Variants in TBC1D19 observed in about 807,000 individuals in gnomAD.
TBC1D19 encodes TBC1 domain family member 19, also known as TBC1 domain family, member 19.
In TBC1D19, 60 loss-of-function variants were observed where a neutral mutation model predicts 89.0. That is an observed-to-expected ratio of 0.67 (90% CI 0.55 to 0.84). TBC1D19 has a LOEUF of 0.84. Among genes scored for constraint, TBC1D19 ranks in the 40% least tolerant of loss-of-function variants. The probability of loss-of-function intolerance (pLI) is 0.00; values close to 1 mark genes in which losing one functional copy is unlikely to be tolerated. For synonymous variants in TBC1D19, 189 were observed against 199.7 expected (o/e 0.95, Z 0.45); for missense variants, 500 against 610.8 (o/e 0.82, Z 1.91).
At chr4:26,777,939 G>A in the TBC1D19 span, among the ~76,000 whole-genome samples, 390 of 152,156 alleles carry the variant, frequency 2.6e-3, 2 homozygotes, top group Non-Finnish European at 3.5e-3. Context: ...AGGGCGTGGC[G>A]GTACATGCCA....
the TBC1D19 span, among the ~76,000 whole-genome samples, chr4:26,835,852 G>C: frequency 6.6e-6 from 1 of 152,106 alleles, no homozygotes. Context: ...CCAGGCTTGT[G>C]TTCTGTGATG....
At chr4:26,723,294 TAGC>T (rs1335487191) in intron 15 of TBC1D19, among the ~76,000 whole-genome samples, 2 of 152,032 alleles carry the variant, frequency 1.3e-5, no homozygotes, top group Non-Finnish European at 2.9e-5. Context: ...AGGCAATACT[TAGC>T]AGCATTTTTA....
chr4:26,666,919 G>T (rs1711862939), intron 9 of TBC1D19, among the ~76,000 whole-genome samples: 1 of 151,678 alleles, frequency 6.6e-6, no homozygotes, highest in Non-Finnish European at 1.5e-5. Flanking sequence ...CTTGAAGTAT[G>T]GGAGCCCCGT....
chr4:26,705,968 G>A (rs1051219653), intron 13 of TBC1D19, among the ~76,000 whole-genome samples: 33 of 152,054 alleles, frequency 2.2e-4, no homozygotes, highest in African/African-American at 7.7e-4. Flanking sequence ...CTGTTCACAG[G>A]CTTGATCATA....
chr4:26,618,969 G>C (rs1038429318), intron 3 of TBC1D19, among the ~76,000 whole-genome samples: 5 of 152,100 alleles, frequency 3.3e-5, no homozygotes, highest in African/African-American at 1.2e-4. Context: ...ATTACTAAAT[G>C]TAAGCTCCAT....
chr4:26,798,598 A>G, the TBC1D19 span, among the ~76,000 whole-genome samples: 8 of 152,234 alleles, frequency 5.3e-5, no homozygotes, highest in Admixed American at 5.2e-4. Context: ...ACCCGCATTC[A>G]TATGTTCATT....
At position 26,711,783 on chromosome 4, in the gene TBC1D19, C is replaced by T. The variant is rs149280845; in HGVS notation, c.955-6150C>T. 7.9e-5 allele frequency among the ~76,000 whole-genome samples: 12 copies of T among 152,166 alleles called. No homozygotes were observed. The East Asian group carries it at 2.3e-3, about 29-fold the overall frequency. On this transcript the variant is annotated intron_variant, in intron 13 of 20. Coordinates refer to ENST00000264866, the MANE Select transcript of TBC1D19 (RefSeq NM_018317.4). Reference sequence around the variant, plus strand: ...TTCATATAATCATACCATTTTCTAGCAGATTTACAATTGAACTGTCATTTC... The same window carrying T: ...TTCATATAATCATACCATTTTCTAGTAGATTTACAATTGAACTGTCATTTC...
chr4:26,741,001 T>G, intron 17 of TBC1D19: 1 of 938,490 alleles, frequency 1.1e-6, no homozygotes, highest in Non-Finnish European at 1.3e-6. Flanking sequence ...TTGATTTTGT[T>G]CTTATCTTAC....
At chr4:26,701,886 A>G (rs1297730780) in intron 13 of TBC1D19, among the ~76,000 whole-genome samples, 1 of 152,210 alleles carries the variant, frequency 6.6e-6, no homozygotes, top group Non-Finnish European at 1.5e-5. Flanking sequence ...ATAAATTATA[A>G]TATCAGCCAA....
chr4:26,759,748 G>T (rs768021008), downstream of TBC1D19, among the ~76,000 whole-genome samples: 1 of 151,996 alleles, frequency 6.6e-6, no homozygotes, highest in Non-Finnish European at 1.5e-5. Context: ...GGCTTCTTTT[G>T]CTTAGCATGT....
At chr4:26,780,240 G>A in the TBC1D19 span, among the ~76,000 whole-genome samples, 1 of 152,132 alleles carries the variant, frequency 6.6e-6, no homozygotes, top group African/African-American at 2.4e-5. Flanking sequence ...AATTAGGATC[G>A]TCCCACATTT....
At chr4:26,857,409 G>A in the TBC1D19 span, among the ~76,000 whole-genome samples, 1 of 152,202 alleles carries the variant, frequency 6.6e-6, no homozygotes, top group Non-Finnish European at 1.5e-5. Flanking sequence ...GGGCCACGCA[G>A]GGAAGTCAAA....
At chr4:26,652,429 G>A (rs536121849) in intron 7 of TBC1D19, among the ~76,000 whole-genome samples, 35 of 152,068 alleles carry the variant, frequency 2.3e-4, no homozygotes, top group Middle Eastern at 3.4e-3. Context: ...TGTGGAGAAC[G>A]GGGTCTCACT....
At chr4:26,682,071 G>A (rs907714890) in intron 11 of TBC1D19, among the ~76,000 whole-genome samples, 2 of 152,202 alleles carry the variant, frequency 1.3e-5, no homozygotes, top group South Asian at 2.1e-4. Context: ...TGTTTCACTT[G>A]TTTTAATGGT....
At chr4:26,793,209 T>C in the TBC1D19 span, among the ~76,000 whole-genome samples, 9 of 152,212 alleles carry the variant, frequency 5.9e-5, no homozygotes, top group South Asian at 1.7e-3. Context: ...CGACCTGAAA[T>C]GTCTGGGGTG....
intron 13 of TBC1D19, among the ~76,000 whole-genome samples, chr4:26,694,447 C>A (rs1383733383): frequency 6.6e-6 from 1 of 152,196 alleles, no homozygotes; most frequent in Non-Finnish European, 1.5e-5. Context: ...GCCTGCCTGC[C>A]TCTGTAGATT....
At chr4:26,662,332 A>G (rs914675736) in intron 8 of TBC1D19, among the ~76,000 whole-genome samples, 2 of 152,246 alleles carry the variant, frequency 1.3e-5, no homozygotes, top group African/African-American at 4.8e-5. Flanking sequence ...GATTAAGAAT[A>G]TAGTATGCCA....
chr4:26,821,433 A>G, the TBC1D19 span, among the ~76,000 whole-genome samples: 1 of 152,240 alleles, frequency 6.6e-6, no homozygotes, highest in African/African-American at 2.4e-5. Flanking sequence ...AGTTGATCAC[A>G]TAAGTGTAAT....
At chr4:26,690,024 T>C (rs1216864537) in intron 13 of TBC1D19, among the ~76,000 whole-genome samples, 2 of 152,136 alleles carry the variant, frequency 1.3e-5, no homozygotes, top group Non-Finnish European at 2.9e-5. Flanking sequence ...TGAAGGAAAT[T>C]AAAAGTGTTA....
Sources: allele counts gnomAD v4.1 joint callset (sites outside exome capture counted in the v4.1 genomes callset), GRCh38; gene constraint gnomAD v4.1.1; transcripts MANE v1.5; gene names NCBI Gene and HGNC (gene_info 2026-07-23, HGNC 2026-07-21).